The following ERC1 variants were observed in gnomAD, a reference collection of about 807,000 sequenced individuals.
ERC1 encodes the protein RAB6 interacting protein 2.
A neutral mutation model predicts 132.0 loss-of-function variants in ERC1; 56 were observed. The ratio of observed to expected loss-of-function variants is 0.42; its 90% confidence interval spans 0.34 to 0.53. The LOEUF is 0.53. Ranked by LOEUF, ERC1 falls within the 20% of genes least tolerant of loss-of-function variation. ERC1 has a pLI of 0.03. For synonymous variants in ERC1, 478 were observed against 476.1 expected, an observed-to-expected ratio of 1.00 and a Z score of -0.05; for missense variants, 1,202 against 1,349.9, an observed-to-expected ratio of 0.89 and a Z score of 1.72.
At chr12:1,440,241 G>C (rs1185367557) in intron 17 of ERC1, among the ~76,000 whole-genome samples, 2 of 114,726 alleles carry the variant, frequency 1.7e-5, no homozygotes, top group Admixed American at 2.4e-4. Flanking sequence ...GTCTTGCTCT[G>C]TCGCCCAGGC....
chr12:1,397,021 A>T (rs1022466498), intron 16 of ERC1, among the ~76,000 whole-genome samples: 2 of 152,318 alleles, frequency 1.3e-5, no homozygotes, highest in South Asian at 2.1e-4. Context: ...TAGACTAAAA[A>T]TTTATGTCAC....
intron 15 of ERC1, among the ~76,000 whole-genome samples, chr12:1,310,897 G>A (rs972581568): frequency 1.3e-5 from 2 of 152,266 alleles, no homozygotes; most frequent in Admixed American, 1.3e-4. Context: ...TTACTGCGTG[G>A]CAGAGAGTAG....
intron 12 of ERC1, among the ~76,000 whole-genome samples, chr12:1,232,724 C>A (rs1195893072): frequency 1.3e-5 from 2 of 151,344 alleles, no homozygotes; most frequent in South Asian, 2.1e-4. Context: ...TGTTGAGTTT[C>A]CTGATTTTTG....
At chr12:1,307,258 T>A (rs1427200135) in intron 15 of ERC1, among the ~76,000 whole-genome samples, 1 of 152,166 alleles carries the variant, frequency 6.6e-6, no homozygotes. Context: ...GTAAAATAAG[T>A]TCTTGGTGAT....
chr12:1,178,745 T>TTC (rs1954027854), intron 8 of ERC1, among the ~76,000 whole-genome samples: 1 of 152,164 alleles, frequency 6.6e-6, no homozygotes, highest in African/African-American at 2.4e-5. Context: ...ATTCTCCTGC[T>TTC]TCATTTCTCT....
intron 15 of ERC1, among the ~76,000 whole-genome samples, chr12:1,336,758 T>G (rs2154360257): frequency 6.6e-6 from 1 of 152,202 alleles, no homozygotes; most frequent in African/African-American, 2.4e-5. Context: ...TCCTGTCAAG[T>G]CCCTTTGATC....
At chr12:1,110,137 A>G (rs922740580) in intron 4 of ERC1, 55 bp from the exon 5 acceptor site, 2 of 1,425,690 alleles carry the variant, frequency 1.4e-6, no homozygotes, top group Admixed American at 2.2e-5. Flanking sequence ...CATGTTATTC[A>G]GCTTTTCTGG....
intron 13 of ERC1, among the ~76,000 whole-genome samples, chr12:1,259,166 T>C (rs1033531199): frequency 6.6e-6 from 1 of 152,198 alleles, no homozygotes; most frequent in African/African-American, 2.4e-5. Context: ...ACTTCTCTTA[T>C]TCTTTTCTAA....
At chr12:1,363,623 C>T (rs1037423411) in intron 15 of ERC1, among the ~76,000 whole-genome samples, 68 of 147,212 alleles carry the variant, frequency 4.6e-4, no homozygotes, top group Admixed American at 4.1e-4. Context: ...GGTGCCATCA[C>T]GGCTCACTGC....
intron 12 of ERC1, among the ~76,000 whole-genome samples, chr12:1,208,957 A>ATTTTTTTTTTTTTTTTTTT (rs538961813): frequency 1.4e-5 from 1 of 71,610 alleles, no homozygotes; most frequent in African/African-American, 6.3e-5. Context: ...CGCCCAGCTG[A>ATTTTTTTTTTTTTTTTTTT]TTTTTTTTTT....
At chr12:1,338,530 TTCTG>T (rs1244169490) in intron 15 of ERC1, among the ~76,000 whole-genome samples, 3 of 152,316 alleles carry the variant, frequency 2.0e-5, no homozygotes, top group Non-Finnish European at 4.4e-5. Flanking sequence ...TGCCTTCTGT[TTCTG>T]TCATTTCTGC....
chr12:1,283,302 C>G (rs1262304703), intron 14 of ERC1, among the ~76,000 whole-genome samples: 1 of 152,172 alleles, frequency 6.6e-6, no homozygotes, highest in African/African-American at 2.4e-5. Context: ...GAAAATTGTG[C>G]TGTGACCTGG....
At chr12:1,146,775 A>AC (rs142725193) in intron 8 of ERC1, among the ~76,000 whole-genome samples, 47,482 of 141,298 alleles carry the variant, frequency 0.34, 9,793 homozygotes, top group African/African-American at 0.62. Flanking sequence ...CCCTCCCCCA[A>AC]CCCCCACCCC....
At chr12:1,351,606 G>A (rs1025679464) in intron 15 of ERC1, among the ~76,000 whole-genome samples, 5 of 152,036 alleles carry the variant, frequency 3.3e-5, no homozygotes, top group African/African-American at 1.2e-4. Context: ...ATATTCCTTG[G>A]TGAGGTGTCT....
chr12:1,470,962 G>C (rs2093848588), intron 18 of ERC1, among the ~76,000 whole-genome samples: 1 of 152,164 alleles, frequency 6.6e-6, no homozygotes, highest in African/African-American at 2.4e-5. Context: ...ATGGTCCCCT[G>C]TTTTCTTAGT....
chr12:1,487,905 G>T (rs1021616781), intron 18 of ERC1, among the ~76,000 whole-genome samples: 1 of 152,092 alleles, frequency 6.6e-6, no homozygotes. Context: ...TTGGGAGGCC[G>T]AGGCGGGCGG....
intron 7 of ERC1, among the ~76,000 whole-genome samples, chr12:1,129,379 C>T (rs1173897113): frequency 6.6e-5 from 10 of 151,900 alleles, no homozygotes; most frequent in Non-Finnish European, 4.4e-5. Flanking sequence ...AAAAAACTTA[C>T]CAGGTGTGGT....
At chr12:1,461,572 G>A (rs1472725530) in intron 18 of ERC1, among the ~76,000 whole-genome samples, 6 of 152,132 alleles carry the variant, frequency 3.9e-5, no homozygotes, top group Non-Finnish European at 5.9e-5. Context: ...GGAGGCTGAG[G>A]CAGGAGAATA....
chr12:1,170,488 G>A (rs1296357597), intron 8 of ERC1, among the ~76,000 whole-genome samples: 1 of 152,202 alleles, frequency 6.6e-6, no homozygotes, highest in Non-Finnish European at 1.5e-5. Flanking sequence ...TCGATGATGT[G>A]AATTGAGGGC....
Sources: gnomAD v4.1 joint callset for allele counts (sites outside exome capture counted in the v4.1 genomes callset) on GRCh38, gnomAD v4.1.1 for gene constraint, MANE v1.5 for transcripts, NCBI Gene and HGNC (gene_info 2026-07-23, HGNC 2026-07-21) for gene names.